RRN3: variants seen among roughly 807,000 people sequenced by gnomAD.
RRN3 encodes the protein RNA polymerase I-specific transcription initiation factor RRN3.
Under a neutral mutation model 82.3 loss-of-function variants are expected in RRN3, and 38 were observed. The observed-to-expected ratio is 0.46, with a 90% CI of 0.36 to 0.61. RRN3 has a LOEUF of 0.61. Among genes scored for constraint, RRN3 ranks in the 20% least tolerant of loss-of-function variants. The probability of loss-of-function intolerance (pLI) is 0.00; values close to 1 mark genes in which losing one functional copy is unlikely to be tolerated. For missense variants in RRN3, 726 were observed against 793.1 expected, an observed-to-expected ratio of 0.92 and a Z score of 1.02; for synonymous variants, 284 against 284.3, an observed-to-expected ratio of 1.00 and a Z score of 0.01.
rs2046121942 is a variant in RRN3 at position 15,091,302 on chromosome 16, C to T, written c.252+13G>A. The stretch of plus-strand genomic sequence containing the variant: ...CAATAATTTTGCTAATGATCAAACA[C>T]AAAATTAATTACCTTTATGTCTGGA... On this transcript the variant is annotated intron_variant, in intron 3 of 17. Coordinates refer to ENST00000198767, the MANE Select transcript of RRN3 (RefSeq NM_018427.5). The T allele has an allele frequency of 3.7e-6, 6 of 1,602,860 alleles. No homozygotes were observed. The East Asian group carries it at 1.1e-4, about 30-fold the overall frequency.
At chr16:15,092,209 G>A (rs2046160613) in intron 2 of RRN3, among the ~76,000 whole-genome samples, 1 of 152,266 alleles carries the variant, frequency 6.6e-6, no homozygotes, top group South Asian at 2.1e-4. Flanking sequence ...TGGTGTAATT[G>A]TTTTTAATTC....
At chr16:15,084,376 A>C (rs1031074533) in intron 7 of RRN3, among the ~76,000 whole-genome samples, 1 of 152,236 alleles carries the variant, frequency 6.6e-6, no homozygotes, top group Admixed American at 6.5e-5. Context: ...TTTGGATAGC[A>C]TATCTGTTGA....
chr16:15,073,928 A>G (rs2082066167), intron 11 of RRN3, among the ~76,000 whole-genome samples: 1 of 152,178 alleles, frequency 6.6e-6, no homozygotes, highest in Non-Finnish European at 1.5e-5. Context: ...ATGATATGAG[A>G]AAATGTTTAT....
chr16:15,089,786 C>CAAAA lies in RRN3; in HGVS notation c.252+1525_252+1528dup, dbSNP rs142235345. On this transcript the variant is annotated intron_variant, in intron 3 of 17. Transcript: ENST00000198767. ...CTGCACTCCAGCCTGGGCGACAGAG[C>CAAAA]AAAAAAAAAAAAAAAAAAAAAAAAA... Among the ~76,000 whole-genome samples, 21 of 66,578 alleles carry CAAAA rather than the reference C, an allele frequency of 3.2e-4. 1 individual carries two copies. The highest frequency in any genetic ancestry group is 4.2e-4 in the African/African-American group (6 of 14,354). The allele number at this position is 66,578 out of a possible 152,430, so 43.7% of individuals were successfully genotyped here. A position where few individuals can be genotyped will look rare whatever the true frequency, so the allele number is the denominator to read the frequency against.
At position 15,073,047 on chromosome 16, in the gene RRN3, T is replaced by C; in HGVS notation, c.1031A>G (p.Tyr344Cys). Residue 344 changes from tyrosine to cysteine, a missense_variant, in exon 12 of 18, where the codon TAT becomes TGT. Around this residue, in one of 4 missense-constraint regions of RRN3, gnomAD observed 344 missense variants for 394.5 expected, o/e 0.87. Coordinates refer to ENST00000198767, the MANE Select transcript of RRN3 (RefSeq NM_018427.5). Reference protein sequence around the residue: ...KVDNGKTKDLYRDLINIFDKL... With the variant: ...KVDNGKTKDLCRDLINIFDKL... ...GTCAAAGATGTTTATCAGGTCGCGATATAGATCCTTTGTTTTGCCGTTATC... is the reference window on the plus strand; with the variant it reads ...GTCAAAGATGTTTATCAGGTCGCGACATAGATCCTTTGTTTTGCCGTTATC... 1 of 1,612,762 alleles carries C rather than the reference T, an allele frequency of 6.2e-7. No homozygotes were observed. Among genetic ancestry groups the C allele is most frequent in the East Asian group, 2.2e-5 (1 of 44,882 alleles).
chr16:15,089,919 T>A (rs1293447756), intron 3 of RRN3, among the ~76,000 whole-genome samples: 1 of 148,416 alleles, frequency 6.7e-6, no homozygotes, highest in Non-Finnish European at 1.5e-5. Flanking sequence ...AAAAAGTAAG[T>A]CCACTGAGGC....
intron 1 of RRN3, 36 bp downstream of exon 1, chr16:15,094,109 T>C: frequency 1.3e-6 from 2 of 1,550,926 alleles, no homozygotes; most frequent in South Asian, 1.2e-5. Context: ...TGAGCTTTCG[T>C]CCCAGATACG....
chr16:15,066,558 C>T (rs1018783328), intron 15 of RRN3, among the ~76,000 whole-genome samples: 58 of 151,454 alleles, frequency 3.8e-4, no homozygotes, highest in Non-Finnish European at 7.5e-4. Flanking sequence ...GCATGAGCCT[C>T]GGAGGTGGTG....
At chr16:15,065,715 C>T (rs931911155) in intron 15 of RRN3, among the ~76,000 whole-genome samples, 2 of 152,030 alleles carry the variant, frequency 1.3e-5, no homozygotes, top group African/African-American at 4.8e-5. Context: ...TCTTAGATTA[C>T]GTAACTATAG....
chr16:15,076,434 G>A (rs557304178), intron 10 of RRN3, 124 bp downstream of exon 10: 268 of 739,394 alleles, frequency 3.6e-4, no homozygotes, highest in South Asian at 6.5e-4. Flanking sequence ...ATAAGGAATC[G>A]TTTTCAAGTT....
intron 3 of RRN3, among the ~76,000 whole-genome samples, chr16:15,088,249 G>A (rs957865046): frequency 7.2e-5 from 11 of 152,196 alleles, no homozygotes; most frequent in Admixed American, 5.2e-4. Context: ...CAAGGCAGGA[G>A]GAGACTGCTT....
chr16:15,061,702 G>A lies in RRN3; in HGVS notation c.*42C>T, dbSNP rs1364305630. ...GGGTGCTGAGGGCATGACAAGTGAT[G>A]GGGAATCCCAAATGTCACATCTCAG... On this transcript the variant is annotated 3_prime_UTR_variant, in exon 18 of 18. Transcript: ENST00000198767. The A allele has an allele frequency of 6.3e-7, 1 of 1,580,726 alleles. No individual in the cohort carries two copies.
rs745892466 is a variant in RRN3, at chr16:15,075,822, C to A, written c.858+736G>T. Among the ~76,000 whole-genome samples, 7 of 152,196 alleles carry A rather than the reference C, an allele frequency of 4.6e-5. No homozygotes were observed. The East Asian group carries it at 1.4e-3, about 29-fold the overall frequency. ...TGGTGCCGGGCCCCCTTTTGCAGGTCGGGATATCCACCTCCCCACTGCTGT... is the reference window on the plus strand; with the variant it reads ...TGGTGCCGGGCCCCCTTTTGCAGGTAGGGATATCCACCTCCCCACTGCTGT... On this transcript the variant is annotated intron_variant, in intron 10 of 17. Transcript: ENST00000198767.
chr16:15,062,094 G>C (rs1042370723), intron 17 of RRN3, among the ~76,000 whole-genome samples, 189 bp from the exon 18 acceptor site: 2 of 152,192 alleles, frequency 1.3e-5, no homozygotes, highest in South Asian at 2.1e-4. Flanking sequence ...TGGGAGGACT[G>C]CTTGAGCTCA....
chr16:15,067,181 G>A (rs1040488521), intron 15 of RRN3, among the ~76,000 whole-genome samples: 1 of 151,916 alleles, frequency 6.6e-6, no homozygotes. Flanking sequence ...AACTAAAGAG[G>A]CTGACGGAGC....
chr16:15,073,308 A>C (rs1439116595), intron 11 of RRN3, among the ~76,000 whole-genome samples: 1 of 152,114 alleles, frequency 6.6e-6, no homozygotes, highest in Non-Finnish European at 1.5e-5. Flanking sequence ...AAAATCAAAA[A>C]ATTAGCCAGG....
chr16:15,069,164 T>A (rs1226026607), intron 14 of RRN3, among the ~76,000 whole-genome samples: 1 of 152,034 alleles, frequency 6.6e-6, no homozygotes, highest in African/African-American at 2.4e-5. Flanking sequence ...CCAAGGAGAC[T>A]GCGACCCCCG....
chr16:15,065,115 G>A lies in RRN3; in HGVS notation c.1706+104C>T, dbSNP rs568309260. The A allele has an allele frequency of 2.3e-5, 28 of 1,197,184 alleles. No homozygotes were observed. In the East Asian group the frequency reaches 5.4e-4, roughly 23 times the overall value. The allele number at this position is 1,197,184 out of a possible 1,614,324, so 74.2% of individuals were successfully genotyped here. ...CGGGAGGCGGAGCTTGCGGTAAGCC[G>A]AGATCACACCACCGCACTCCAGCCT... On this transcript the variant is annotated intron_variant, in intron 16 of 17. Coordinates refer to ENST00000198767, the MANE Select transcript of RRN3 (RefSeq NM_018427.5).
At position 15,091,893 on chromosome 16, in the gene RRN3, T is replaced by C. The variant is rs141685120; in HGVS notation, c.196-522A>G. ...GTAAGTTCCTCAAAAAATAAAATGC[T>C]GTAGGCCAGGCATGGTGGCTCACGT... On this transcript the variant is annotated intron_variant, in intron 2 of 17. Coordinates refer to ENST00000198767, the MANE Select transcript of RRN3 (RefSeq NM_018427.5). 4.9e-3 allele frequency among the ~76,000 whole-genome samples: 741 copies of C among 152,282 alleles called. 19 individuals carry two copies. In the East Asian group the frequency reaches 0.061, roughly 13 times the overall value.
Sources: gnomAD v4.1 joint callset for allele counts (sites outside exome capture counted in the v4.1 genomes callset) on GRCh38, gnomAD v4.1.1 for gene constraint, gnomAD v4.1.1 regional missense constraint, MANE v1.5 for transcripts, NCBI Gene and HGNC (gene_info 2026-07-23, HGNC 2026-07-21) for gene names.